Variants in DOCK8 observed in about 807,000 individuals in gnomAD.
DOCK8 encodes dedicator of cytokinesis protein 8.
DOCK8 carries 141 observed loss-of-function variants against 245.6 expected under a neutral mutation model. The observed-to-expected ratio is 0.57, with a 90% CI of 0.50 to 0.66. The LOEUF is 0.66. DOCK8 is among the 30% of genes least tolerant of loss of function. The probability of loss-of-function intolerance (pLI) is 0.00; values close to 1 mark genes in which losing one functional copy is unlikely to be tolerated. For missense variants in DOCK8, 2,965 were observed against 2,603.4 expected (o/e 1.14, Z -3.02); for synonymous variants, 1,168 against 970.2 (o/e 1.20, Z -3.79).
intron 24 of DOCK8, among the ~76,000 whole-genome samples, chr9:390,812 T>A (rs908726205): frequency 3.3e-5 from 5 of 152,166 alleles, no homozygotes; most frequent in Non-Finnish European, 7.3e-5. Flanking sequence ...CACACCATCA[T>A]CTCTCATGTG....
chr9:460,634 G>C (rs189722203), intron 46 of DOCK8: 1 of 152,352 alleles, frequency 6.6e-6, no homozygotes, highest in Admixed American at 6.5e-5. Flanking sequence ...AAACATAAAA[G>C]ATAGGTGAAA....
intron 28 of DOCK8, among the ~76,000 whole-genome samples, chr9:412,118 C>A (rs71509962): frequency 1.1e-4 from 17 of 152,186 alleles, no homozygotes; most frequent in Admixed American, 7.2e-4. Context: ...CAAAAGACAT[C>A]TAGGCCAGGC....
rs2057902138 is a variant in DOCK8 at position 464,179 on chromosome 9, G to A, written c.6260G>A (p.Ser2087Asn). The A allele has an allele frequency of 1.2e-6, 2 of 1,613,816 alleles. No homozygotes were observed. The highest frequency in any genetic ancestry group is 1.7e-5 in the Admixed American group (1 of 60,000). ...TTCAGGGACTCCTTCCACAGATCTA[G>A]TTTCAGGAAATGTGAAACCCAGTTG... The part of the protein sequence containing the change: ...SQKRDSFHRS[S>N]FRKCETQLSQ... Residue 2087 changes from serine (S) to asparagine (N), a missense_variant, in exon 48 of 48, where the codon AGT (serine) becomes AAT (asparagine). Physicochemically the swap from Ser to Asn is conservative, Grantham distance 46. Transcript: ENST00000432829.
chr9:461,940 CA>C (rs2131970038), intron 46 of DOCK8, among the ~76,000 whole-genome samples: 1 of 151,382 alleles, frequency 6.6e-6, no homozygotes, highest in South Asian at 2.1e-4. Flanking sequence ...TTGTTTTTAT[CA>C]TGGATTTTAT....
chr9:356,565 C>G (rs542359743), intron 14 of DOCK8, among the ~76,000 whole-genome samples: 2 of 151,422 alleles, frequency 1.3e-5, no homozygotes, highest in East Asian at 1.9e-4. Flanking sequence ...TGGTTTGGGT[C>G]CCTTCCCACC....
intron 42 of DOCK8, 118 bp from the exon 43 acceptor site, chr9:443,309 A>G (rs949725689): frequency 1.3e-5 from 13 of 982,698 alleles, no homozygotes; most frequent in Non-Finnish European, 2.1e-5. Flanking sequence ...GGAACTCTCA[A>G]TAATCAGTGA....
intron 26 of DOCK8, among the ~76,000 whole-genome samples, chr9:400,629 C>CCAT (rs2054909263): frequency 7.8e-6 from 1 of 128,366 alleles, no homozygotes; most frequent in Admixed American, 7.5e-5. Flanking sequence ...ACCACCATCA[C>CCAT]CACCACCTCC....
Position 339,071 on chromosome 9 carries a change from C to T in DOCK8, c.1488C>T (p.Ser496=), listed in dbSNP as rs772877274. 4 of 1,614,106 alleles carry T rather than the reference C, an allele frequency of 2.5e-6. No individual in the cohort carries two copies. The South Asian group carries it at 3.3e-5, about 13-fold the overall frequency. Residue 496 remains serine (S), a synonymous_variant, in exon 13 of 48, where the codon TCC becomes TCT. Transcript: ENST00000432829. The part of the protein sequence containing the change: ...KFLADYKRSS[S]LQRRVKSIPG... ...TAGCTGACTACAAAAGATCATCATCCTTACAGAGACGAGTCAAGTCAATTC... is the reference window on the plus strand; with the variant it reads ...TAGCTGACTACAAAAGATCATCATCTTTACAGAGACGAGTCAAGTCAATTC...
At chr9:371,306 T>G (rs2053275407) in intron 16 of DOCK8, 122 bp from the exon 17 acceptor site, 5 of 1,138,504 alleles carry the variant, frequency 4.4e-6, no homozygotes, top group Non-Finnish European at 6.6e-6. Flanking sequence ...AGCAGAGTAA[T>G]GTAAAATGAA....
chr9:455,991 T>C (rs940240077), intron 46 of DOCK8, among the ~76,000 whole-genome samples: 7 of 152,170 alleles, frequency 4.6e-5, no homozygotes, highest in African/African-American at 1.4e-4. Context: ...AGTCCCAATA[T>C]CAGTAGGACA....
chr9:262,979 G>A (rs1026719796), intron 1 of DOCK8, among the ~76,000 whole-genome samples: 2 of 152,198 alleles, frequency 1.3e-5, no homozygotes, highest in African/African-American at 4.8e-5. Context: ...GGCCGAGGCG[G>A]GTGGATCACC....
At chr9:264,506 G>C (rs892184198) in intron 1 of DOCK8, among the ~76,000 whole-genome samples, 8 of 152,152 alleles carry the variant, frequency 5.3e-5, no homozygotes, top group African/African-American at 1.7e-4. Context: ...AAGAGATAGA[G>C]AATATGAGAA....
At chr9:300,003 C>G (rs1438335373) in intron 4 of DOCK8, among the ~76,000 whole-genome samples, 1 of 136,628 alleles carries the variant, frequency 7.3e-6, no homozygotes, top group Non-Finnish European at 1.5e-5. Flanking sequence ...GCCTGGGCGA[C>G]AGTGAGACTC....
chr9:463,454 GTTC>G, intron 46 of DOCK8, 60 bp from the exon 47 acceptor site: 1 of 1,587,790 alleles, frequency 6.3e-7, no homozygotes, highest in Non-Finnish European at 8.6e-7. Context: ...TAATTTCATT[GTTC>G]TCAGATTTCT....
At chr9:386,001 G>GAGAC (rs1201907557) in intron 22 of DOCK8, among the ~76,000 whole-genome samples, 4 of 152,102 alleles carry the variant, frequency 2.6e-5, no homozygotes, top group Non-Finnish European at 5.9e-5. Flanking sequence ...AAACCACAGA[G>GAGAC]AGACACTGTT....
chr9:311,259 T>C (rs1207973112), intron 5 of DOCK8, among the ~76,000 whole-genome samples: 2 of 149,266 alleles, frequency 1.3e-5, no homozygotes, highest in African/African-American at 5.0e-5. Flanking sequence ...CACTCAAGCC[T>C]AGGTGTCGCA....
At chr9:438,569 C>A (rs1230959742) in intron 39 of DOCK8, among the ~76,000 whole-genome samples, 2 of 152,168 alleles carry the variant, frequency 1.3e-5, no homozygotes, top group Admixed American at 1.3e-4. Flanking sequence ...CTTCCATGGC[C>A]CTAAAAGCGA....
intron 22 of DOCK8, among the ~76,000 whole-genome samples, chr9:385,979 C>T (rs1175033265): frequency 1.3e-5 from 2 of 152,164 alleles, no homozygotes; most frequent in Non-Finnish European, 2.9e-5. Context: ...CAGCGTGGTG[C>T]AGTACCGTAC....
At chr9:295,790 G>T (rs1048329534) in intron 4 of DOCK8, among the ~76,000 whole-genome samples, 1 of 152,122 alleles carries the variant, frequency 6.6e-6, no homozygotes, top group African/African-American at 2.4e-5. Context: ...TCCCACTTAG[G>T]GGGCAGAGGA....
Sources: allele counts gnomAD v4.1 joint callset (sites outside exome capture counted in the v4.1 genomes callset), GRCh38; gene constraint gnomAD v4.1.1; transcripts MANE v1.5; gene names NCBI Gene and HGNC (gene_info 2026-07-23, HGNC 2026-07-21).